The following HPSE2 variants were observed in gnomAD, a reference collection of about 807,000 sequenced individuals.
The protein encoded by HPSE2 is inactive heparanase-2.
Under a neutral mutation model 60.5 loss-of-function variants are expected in HPSE2, and 38 were observed. That is an observed-to-expected ratio of 0.63 (90% CI 0.48 to 0.82). The LOEUF (loss-of-function observed/expected upper bound fraction) is 0.82, where lower values mean the gene tolerates loss of function less well. HPSE2 is among the 40% of genes least tolerant of loss of function. The pLI, the probability that HPSE2 is intolerant of heterozygous loss-of-function variation, is 0.00. For missense variants in HPSE2, 713 were observed against 740.4 expected (o/e 0.96, Z 0.43); for synonymous variants, 295 against 293.2 (o/e 1.01, Z -0.06).
intron 9 of HPSE2, among the ~76,000 whole-genome samples, chr10:98,552,653 T>C (rs1943896552): frequency 6.6e-6 from 1 of 152,206 alleles, no homozygotes; most frequent in East Asian, 1.9e-4. Context: ...GATGACTTTT[T>C]TCACATTTTT....
chr10:98,823,661 T>C (rs1369068209), intron 3 of HPSE2, among the ~76,000 whole-genome samples: 1 of 152,070 alleles, frequency 6.6e-6, no homozygotes, highest in African/African-American at 2.4e-5. Flanking sequence ...AGATAGATAA[T>C]GATTTAAAGC....
chr10:98,685,094 A>T (rs1432828295), intron 6 of HPSE2, among the ~76,000 whole-genome samples: 1 of 152,158 alleles, frequency 6.6e-6, no homozygotes, highest in Non-Finnish European at 1.5e-5. Flanking sequence ...TTAACAGTTT[A>T]CTGTACTTGT....
the HPSE2 span, among the ~76,000 whole-genome samples, chr10:99,290,287 G>A: frequency 2.6e-5 from 4 of 152,114 alleles, no homozygotes; most frequent in Admixed American, 2.0e-4. Flanking sequence ...CTTCTAAAAG[G>A]CAGAACCCTG....
intron 2 of HPSE2, among the ~76,000 whole-genome samples, chr10:99,153,540 T>C (rs1846379928): frequency 6.6e-6 from 1 of 151,290 alleles, no homozygotes; most frequent in Non-Finnish European, 1.5e-5. Context: ...CAGCTGAGGG[T>C]CCTGTCTGTT....
intron 3 of HPSE2, among the ~76,000 whole-genome samples, chr10:98,768,560 AG>A (rs1009938530): frequency 6.6e-6 from 1 of 152,200 alleles, no homozygotes; most frequent in African/African-American, 2.4e-5. Flanking sequence ...TTTCAAGTTT[AG>A]CATCAGTACC....
At chr10:98,775,049 C>T (rs918129667) in intron 3 of HPSE2, among the ~76,000 whole-genome samples, 15 of 152,154 alleles carry the variant, frequency 9.9e-5, no homozygotes, top group Non-Finnish European at 1.9e-4. Context: ...ACAACTGAGT[C>T]CTGGCTCTTT....
intron 3 of HPSE2, among the ~76,000 whole-genome samples, chr10:98,887,397 A>G (rs1953196165): frequency 6.6e-6 from 1 of 152,190 alleles, no homozygotes; most frequent in Admixed American, 6.6e-5. Context: ...ATTATTTACT[A>G]TTAGCATCTC....
intron 10 of HPSE2, among the ~76,000 whole-genome samples, chr10:98,484,505 G>C (rs920530863): frequency 2.0e-5 from 3 of 152,202 alleles, no homozygotes; most frequent in Non-Finnish European, 1.5e-5. Context: ...CCAAAGGGCT[G>C]GGATTACAGG....
intron 6 of HPSE2, among the ~76,000 whole-genome samples, chr10:98,671,502 CTA>C (rs1229303286): frequency 2.2e-5 from 3 of 133,434 alleles, no homozygotes; most frequent in Non-Finnish European, 4.8e-5. Flanking sequence ...TAATACTTCT[CTA>C]TGTCATTCAG....
At chr10:98,506,905 C>T (rs1265447031) in intron 9 of HPSE2, among the ~76,000 whole-genome samples, 1 of 152,156 alleles carries the variant, frequency 6.6e-6, no homozygotes, top group African/African-American at 2.4e-5. Flanking sequence ...TGGACAGAAG[C>T]CTTCATTTTT....
intron 3 of HPSE2, among the ~76,000 whole-genome samples, chr10:98,993,655 T>C (rs1196953569): frequency 6.6e-6 from 1 of 152,204 alleles, no homozygotes; most frequent in African/African-American, 2.4e-5. Flanking sequence ...AATGCTATAG[T>C]ACTGAGATCC....
intron 9 of HPSE2, among the ~76,000 whole-genome samples, chr10:98,548,522 C>A (rs1943762554): frequency 6.6e-6 from 1 of 151,438 alleles, no homozygotes; most frequent in Non-Finnish European, 1.5e-5. Context: ...GAGGCTGAGG[C>A]AGGAGAATCA....
chr10:98,673,859 CCT>C (rs933332723), intron 6 of HPSE2, among the ~76,000 whole-genome samples: 1 of 152,102 alleles, frequency 6.6e-6, no homozygotes, highest in Non-Finnish European at 1.5e-5. Flanking sequence ...GACAAGTTAT[CCT>C]CTCTCTCTAA....
Position 98,996,637 on chromosome 10 carries a change from G to A in HPSE2, c.610+147601C>T, listed in dbSNP as rs149353631. Among the ~76,000 whole-genome samples, 108 of 152,160 alleles carry A rather than the reference G, an allele frequency of 7.1e-4. No homozygotes were observed. In the East Asian group the frequency reaches 0.017, roughly 24 times the overall value. On this transcript the variant is annotated intron_variant, in intron 3 of 11. Coordinates refer to ENST00000370552, the MANE Select transcript of HPSE2 (RefSeq NM_021828.5). ...TTCAGACATTCACCAAAAGGTTAAC[G>A]GATAAACTGCGGTATATTCATTTAA...
intron 3 of HPSE2, among the ~76,000 whole-genome samples, chr10:98,863,208 T>A (rs1952501889): frequency 6.6e-6 from 1 of 152,044 alleles, no homozygotes; most frequent in African/African-American, 2.4e-5. Flanking sequence ...ACCCAAGCCT[T>A]GGAAAAAATT....
At chr10:99,086,989 T>C (rs10883256) in intron 3 of HPSE2, among the ~76,000 whole-genome samples, 77,255 of 152,098 alleles carry the variant, frequency 0.51, 21,391 homozygotes, top group East Asian at 0.65. Flanking sequence ...AGGGATGAAA[T>C]GTAGCACTAG....
chr10:98,817,575 G>C (rs1037340281), intron 3 of HPSE2, among the ~76,000 whole-genome samples: 1 of 152,124 alleles, frequency 6.6e-6, no homozygotes, highest in Non-Finnish European at 1.5e-5. Flanking sequence ...AAAACCAAAA[G>C]AGAAAGAAAA....
At chr10:98,527,286 C>T (rs759921420) in intron 9 of HPSE2, among the ~76,000 whole-genome samples, 4 of 152,112 alleles carry the variant, frequency 2.6e-5, no homozygotes, top group Non-Finnish European at 4.4e-5. Flanking sequence ...ATATCAGTTC[C>T]TTGTAAAGTT....
chr10:98,609,539 C>T (rs1017535359), intron 9 of HPSE2, among the ~76,000 whole-genome samples: 4 of 152,132 alleles, frequency 2.6e-5, no homozygotes, highest in African/African-American at 4.8e-5. Flanking sequence ...ATCTTACCAC[C>T]CAAAGAAAAC....
Sources: allele counts gnomAD v4.1 joint callset (sites outside exome capture counted in the v4.1 genomes callset), GRCh38; gene constraint gnomAD v4.1.1; transcripts MANE v1.5; gene names NCBI Gene and HGNC (gene_info 2026-07-23, HGNC 2026-07-21).